FGF14: variants seen among roughly 807,000 people sequenced by gnomAD.
FGF14 encodes the protein fibroblast growth factor 14.
In FGF14, 5 loss-of-function variants were observed where a neutral mutation model predicts 25.5. That is an observed-to-expected ratio of 0.20 (90% CI 0.10 to 0.41). FGF14 has a LOEUF of 0.41. Among genes scored for constraint, FGF14 ranks in the 10% least tolerant of loss-of-function variants. The probability of loss-of-function intolerance (pLI) is 1.00; values close to 1 mark genes in which losing one functional copy is unlikely to be tolerated. For missense variants in FGF14, 222 were observed against 320.1 expected, an observed-to-expected ratio of 0.69 and a Z score of 2.34; for synonymous variants, 138 against 118.3, an observed-to-expected ratio of 1.17 and a Z score of -1.08.
chr13:101,726,515 C>T (rs1453903250), intron 4 of FGF14, 97 bp downstream of exon 4: 2 of 1,168,732 alleles, frequency 1.7e-6, no homozygotes. Flanking sequence ...ATTTCCAGCA[C>T]TTTGTGAAGG....
chr13:101,991,389 G>C (rs151050236), intron 1 of FGF14, among the ~76,000 whole-genome samples: 1 of 152,026 alleles, frequency 6.6e-6, no homozygotes, highest in African/African-American at 2.4e-5. Flanking sequence ...GAATTCAGTT[G>C]GATTGTTGCT....
chr13:102,401,433 T>A lies in FGF14; in HGVS notation c.208+38A>T, dbSNP rs763721124. The A allele has an allele frequency of 4.4e-6, 7 of 1,588,574 alleles. No individual in the cohort carries two copies. In the Admixed American group the frequency reaches 1.2e-4, roughly 26 times the overall value. ...GCTCGATGAGCAACAGACAGGTTAT[T>A]ATGAGGAAAAACATAACATGATGCA... On this transcript the variant is annotated intron_variant, in intron 1 of 4. Transcript: ENST00000376131.
chr13:102,084,061 A>T (rs2043771136), intron 1 of FGF14, among the ~76,000 whole-genome samples: 1 of 151,482 alleles, frequency 6.6e-6, no homozygotes. Context: ...ATTATATCTC[A>T]TCTGAAGCCT....
chr13:102,037,125 A>G (rs1465323010), intron 1 of FGF14, among the ~76,000 whole-genome samples: 1 of 152,186 alleles, frequency 6.6e-6, no homozygotes, highest in Non-Finnish European at 1.5e-5. Context: ...ATTAAAAGAG[A>G]GACTATAACT....
At chr13:101,771,602 A>T (rs778253928) in intron 3 of FGF14, among the ~76,000 whole-genome samples, 29 of 152,094 alleles carry the variant, frequency 1.9e-4, no homozygotes, top group Admixed American at 1.0e-3. Flanking sequence ...ATGCTTACTC[A>T]ATCAGGGTTG....
At chr13:102,239,952 A>T (rs989909538) in intron 1 of FGF14, among the ~76,000 whole-genome samples, 1 of 152,228 alleles carries the variant, frequency 6.6e-6, no homozygotes, top group African/African-American at 2.4e-5. Flanking sequence ...GTAATTTTAC[A>T]AGATAAATGC....
At chr13:101,788,894 A>G (rs1260577208) in intron 3 of FGF14, among the ~76,000 whole-genome samples, 4 of 48,402 alleles carry the variant, frequency 8.3e-5, no homozygotes, top group African/African-American at 2.4e-4. Context: ...ATATATATAT[A>G]TATATATATA....
chr13:101,896,576 C>T (rs761942978), intron 1 of FGF14, among the ~76,000 whole-genome samples: 5 of 152,126 alleles, frequency 3.3e-5, no homozygotes, highest in Admixed American at 1.3e-4. Context: ...CTTTTAACAG[C>T]GGGGAATCTG....
intron 1 of FGF14, among the ~76,000 whole-genome samples, chr13:101,970,316 T>C (rs1594867183): frequency 6.6e-6 from 1 of 152,252 alleles, no homozygotes; most frequent in Admixed American, 6.5e-5. Context: ...ATTGCCCTTA[T>C]ATGCAATACA....
rs78238711 is a variant in FGF14 at position 102,017,082 on chromosome 13, C to A, written c.209-141786G>T. The A allele has an allele frequency of 4.2e-3, 670 of 159,632 alleles. 2 individuals carry two copies. The highest frequency in any genetic ancestry group is 6.5e-3 in the Admixed American group (103 of 15,936). 9.9% of individuals were successfully genotyped at this position (159,632 alleles called of 1,614,324 possible). The stretch of plus-strand genomic sequence containing the variant: ...CTTCAGACCAGCCTGTTTTTTTTAA[C>A]ATACACTTTAACTTTATTAACATCT... On this transcript the variant is annotated intron_variant, in intron 1 of 4. Coordinates refer to the FGF14 transcript ENST00000376131.
At chr13:102,388,866 C>T (rs114329161) in intron 1 of FGF14, among the ~76,000 whole-genome samples, 1 of 152,088 alleles carries the variant, frequency 6.6e-6, no homozygotes, top group Non-Finnish European at 1.5e-5. Flanking sequence ...TTCACCACAT[C>T]CCAGCTAATT....
intron 1 of FGF14, among the ~76,000 whole-genome samples, chr13:102,256,916 G>A (rs1019308631): frequency 2.2e-4 from 33 of 152,204 alleles, no homozygotes; most frequent in Middle Eastern, 3.4e-3. Flanking sequence ...AAAATATGTT[G>A]AAAAAATAAA....
At chr13:101,862,412 T>C (rs1011871154) in intron 3 of FGF14, among the ~76,000 whole-genome samples, 5 of 152,104 alleles carry the variant, frequency 3.3e-5, no homozygotes, top group Non-Finnish European at 7.4e-5. Context: ...CCAATGTCTC[T>C]CTTTATATTC....
At chr13:102,309,353 T>C (rs1410595723) in intron 1 of FGF14, among the ~76,000 whole-genome samples, 1 of 152,178 alleles carries the variant, frequency 6.6e-6, no homozygotes, top group Non-Finnish European at 1.5e-5. Context: ...CAAAGCCCCA[T>C]GCTTTCATCA....
At chr13:102,371,183 C>A (rs1364683162) in intron 1 of FGF14, among the ~76,000 whole-genome samples, 1 of 152,112 alleles carries the variant, frequency 6.6e-6, no homozygotes, top group Non-Finnish European at 1.5e-5. Flanking sequence ...GTTGACTATA[C>A]AATAAAAACA....
At chr13:101,874,322 C>T (rs905386591) in intron 2 of FGF14, among the ~76,000 whole-genome samples, 1 of 152,088 alleles carries the variant, frequency 6.6e-6, no homozygotes, top group Non-Finnish European at 1.5e-5. Context: ...ATAAGACATA[C>T]ATTAATGAAA....
At position 101,715,562 on chromosome 13, in the gene FGF14, G is replaced by GGGAAT; in HGVS notation, c.*7264_*7268dup. Reference sequence around the variant, plus strand: ...TGATACCTATATGTATTTTATTGCAGGGAATGGAATATGTAGCTGTGGAAA... The same window carrying GGGAAT: ...TGATACCTATATGTATTTTATTGCAGGGAATGGAATGGAATATGTAGCTGTGGAAA... On this transcript the variant is annotated 3_prime_UTR_variant, in exon 5 of 5. Coordinates refer to ENST00000376143, the MANE Select transcript of FGF14 (RefSeq NM_004115.4). 6.2e-7 allele frequency: 1 copy of GGGAAT among 1,604,872 alleles called. No homozygotes were observed. Among genetic ancestry groups the GGGAAT allele is most frequent in the Non-Finnish European group, 8.5e-7 (1 of 1,171,716 alleles).
At chr13:102,233,672 G>C (rs1277478760) in intron 1 of FGF14, among the ~76,000 whole-genome samples, 2 of 152,094 alleles carry the variant, frequency 1.3e-5, no homozygotes, top group Non-Finnish European at 2.9e-5. Flanking sequence ...GCTGAAGATG[G>C]AGTCAGATAA....
chr13:102,395,405 A>G (rs1243730198), intron 1 of FGF14: 1 of 152,184 alleles, frequency 6.6e-6, no homozygotes, highest in Non-Finnish European at 1.5e-5. Context: ...ATTTTGCGAG[A>G]GGCTCGAGTG....
Sources: allele counts gnomAD v4.1 joint callset (sites outside exome capture counted in the v4.1 genomes callset), GRCh38; gene constraint gnomAD v4.1.1; transcripts MANE v1.5; gene names NCBI Gene and HGNC (gene_info 2026-07-23, HGNC 2026-07-21).